ABCD4: variants seen among roughly 807,000 people sequenced by gnomAD.
ABCD4 encodes lysosomal cobalamin transporter ABCD4.
In ABCD4, 53 loss-of-function variants were observed where a neutral mutation model predicts 86.3. The observed-to-expected ratio is 0.61, with a 90% CI of 0.49 to 0.77. The LOEUF (loss-of-function observed/expected upper bound fraction) is 0.77. Among genes scored for constraint, ABCD4 ranks in the 30% least tolerant of loss-of-function variants. ABCD4 has a pLI of 0.00. For missense variants in ABCD4, 757 were observed against 764.5 expected, an observed-to-expected ratio of 0.99 and a Z score of 0.12; for synonymous variants, 328 against 313.6, an observed-to-expected ratio of 1.05 and a Z score of -0.49.
intron 3 of ABCD4, 158 bp downstream of exon 3, chr14:74,299,390 G>C: frequency 2.2e-6 from 2 of 894,838 alleles, no homozygotes; most frequent in Non-Finnish European, 1.7e-6. Flanking sequence ...CAAGATCAAC[G>C]TGCTTAATAA....
chr14:74,287,990 C>A lies in ABCD4; in HGVS notation c.1560-104G>T, dbSNP rs1019352247. On this transcript the variant is annotated intron_variant, in intron 16 of 18. Transcript: ENST00000356924. The stretch of plus-strand genomic sequence containing the variant: ...AGAGGTTTCTCTGCACAGAGGTGAG[C>A]CCCAGGAGACAGAAGCCCCTTCCCT... The A allele has an allele frequency of 3.1e-5, 37 of 1,183,140 alleles. 1 individual carries two copies. The Middle Eastern group carries it at 3.8e-3, about 122-fold the overall frequency. 73.3% of individuals were successfully genotyped at this position (1,183,140 alleles called of 1,614,324 possible). A position where few individuals can be genotyped will look rare whatever the true frequency, so the allele number is the denominator to read the frequency against.
chr14:74,296,488 T>C (rs1198681988), intron 4 of ABCD4, 39 bp from the exon 5 acceptor site: 1 of 1,589,884 alleles, frequency 6.3e-7, no homozygotes, highest in East Asian at 2.2e-5. Context: ...CCCAGGGAGA[T>C]GGGCCCAAAG....
In ABCD4 at chr14:74,296,125, T is replaced by G. The variant is rs17099269; in HGVS notation, c.543-146A>C. On this transcript the variant is annotated intron_variant, in intron 5 of 18. Transcript: ENST00000356924. Reference sequence around the variant, plus strand: ...GGCCCTCTGCTCCTATGTGGGGGCATCTGGTATGAGCTCTCAGAGCCAGGA... The same window carrying G: ...GGCCCTCTGCTCCTATGTGGGGGCAGCTGGTATGAGCTCTCAGAGCCAGGA... 2,050 of 1,229,306 alleles carry G rather than the reference T, an allele frequency of 1.7e-3. 21 individuals carry two copies. The African/African-American group carries it at 0.02, about 12-fold the overall frequency. The allele number at this position is 1,229,306 out of a possible 1,614,324, so 76.1% of individuals were successfully genotyped here.
chr14:74,295,319 C>A, intron 6 of ABCD4, 121 bp from the exon 7 acceptor site: 1 of 1,164,570 alleles, frequency 8.6e-7, no homozygotes, highest in Non-Finnish European at 1.2e-6. Flanking sequence ...ACCGTGGCTG[C>A]CTCAGTCTGA....
chr14:74,297,044 G>A (rs190573371), intron 4 of ABCD4: 1 of 152,664 alleles, frequency 6.6e-6, no homozygotes, highest in Non-Finnish European at 1.5e-5. Context: ...GTGCTTGCTA[G>A]GAAGGTGGTG....
intron 13 of ABCD4, 187 bp downstream of exon 13, chr14:74,289,840 G>A (rs1349624590): frequency 6.2e-6 from 9 of 1,447,530 alleles, no homozygotes; most frequent in Non-Finnish European, 8.1e-6. Flanking sequence ...GCTGCTATGA[G>A]TAGTGGGCCC....
rs1714253256 is a variant in ABCD4 at position 74,288,572 on chromosome 14, C to T, written c.1506+144G>A. The stretch of plus-strand genomic sequence containing the variant: ...TCGTGCCTAAACCTGGCCAACAGCA[C>T]ACACTGTCAACTGATACTCCCATTC... On this transcript the variant is annotated intron_variant, in intron 15 of 18. Transcript: ENST00000356924. 63 of 941,474 alleles carry T rather than the reference C, an allele frequency of 6.7e-5. 2 individuals are homozygous for T. In the South Asian group the frequency reaches 9.2e-4, roughly 14 times the overall value. 58.3% of individuals were successfully genotyped at this position (941,474 alleles called of 1,614,324 possible).
Position 74,287,929 on chromosome 14 carries a change from A to G in ABCD4, c.1560-43T>C, listed in dbSNP as rs779593744. The G allele has an allele frequency of 6.4e-6, 10 of 1,555,298 alleles. No homozygotes were observed. The Middle Eastern group carries it at 6.7e-4, about 104-fold the overall frequency. On this transcript the variant is annotated intron_variant, in intron 16 of 18. Transcript: ENST00000356924. ...AGAGGACTGCTAGAGGAGGAAGAAT[A>G]TAGCTTGGCTTTTACCTAGAATGGT...
In ABCD4 at chr14:74,290,165, C is replaced by A. The variant is rs370799934; in HGVS notation, c.1328-47G>T. ...CCATTGTGAGATCTCCCAGAAGAGG[C>A]AACTGCCTGTCTCCTCTCTTCCTTG... On this transcript the variant is annotated intron_variant, in intron 12 of 18. Transcript: ENST00000356924. The A allele has an allele frequency of 2.5e-5, 40 of 1,611,686 alleles. No homozygotes were observed. In the Admixed American group the frequency reaches 5.0e-4, roughly 20 times the overall value.
rs1335903084 is a variant in ABCD4, at chr14:74,286,835, G to A, written c.1637-19C>T. On this transcript the variant is annotated intron_variant, in intron 17 of 18. Coordinates refer to ENST00000356924, the MANE Select transcript of ABCD4 (RefSeq NM_005050.4). ...TCAAGCACTGAGGGGGCAGAGCACA[G>A]AGGAAGAGATCAAAGCCCTGCCCTC... 6.2e-7 allele frequency: 1 copy of A among 1,610,544 alleles called. No homozygotes were observed. Among genetic ancestry groups the A allele is most frequent in the South Asian group, 1.1e-5 (1 of 90,934 alleles).
chr14:74,293,207 T>C lies in ABCD4; in HGVS notation c.761A>G (p.Gln254Arg), dbSNP rs779676647. ...CTCCCTCTGGGTCTGAAGGAGTCTC[T>C]GCAGCCTGCGGTCTGTCCTCATGTG... Reference protein sequence around the residue: ...VEHMRTDRRLQRLLQTQRELM... With the variant: ...VEHMRTDRRLRRLLQTQRELM... The change falls in exon 8 of 19, where the codon CAG becomes CGG. Residue 254 changes from glutamine (Q) to arginine (R), a missense_variant. Gln to Arg is a conservative substitution (Grantham distance 43). Coordinates refer to ENST00000356924, the MANE Select transcript of ABCD4 (RefSeq NM_005050.4). The C allele has an allele frequency of 3.6e-5, 58 of 1,614,076 alleles. No individual in the cohort carries two copies. The highest frequency in any genetic ancestry group is 1.6e-4 in the Middle Eastern group (1 of 6,084).
chr14:74,286,778 C>T lies in ABCD4; in HGVS notation c.1675G>A (p.Glu559Lys). 1 of 1,614,122 alleles carries T rather than the reference C, an allele frequency of 6.2e-7. No individual in the cohort carries two copies. The highest frequency in any genetic ancestry group is 8.5e-7 in the Non-Finnish European group (1 of 1,180,040). ...EATSALTEEV[E>K]SELYRIGQQL... ...TGGCCGATGCGATAGAGCTCGCTCT[C>T]CACTTCCTCTGTCAGGGCACTGGTG... is the stretch of plus-strand genomic sequence containing the variant. Residue 559 changes from glutamate (E) to lysine (K), a missense_variant, in exon 18 of 19, where the codon GAG becomes AAG. Glu to Lys is a moderately conservative substitution (Grantham distance 56). Coordinates refer to ENST00000356924, the MANE Select transcript of ABCD4 (RefSeq NM_005050.4).
chr14:74,290,506 CAGAGA>C lies in ABCD4; in HGVS notation c.1119-12_1119-8del. ...CGCTGGCCACCCTGGGGGTCTGTGT[CAGAGA>C]AGAGAGGGGGCGTGAGGAAGATGGG... On this transcript the variant is annotated splice_region_variant and splice_polypyrimidine_tract_variant and intron_variant, in intron 11 of 18. Transcript: ENST00000356924. 1 of 1,611,136 alleles carries C rather than the reference CAGAGA, an allele frequency of 6.2e-7. No homozygotes were observed.
rs1426355661 is a variant in ABCD4 at position 74,301,677 on chromosome 14, C to T, written c.38+1198G>A. Among the ~76,000 whole-genome samples the T allele has an allele frequency of 3.4e-5, 5 of 146,266 alleles. 1 individual carries two copies. The South Asian group carries it at 1.1e-3, about 32-fold the overall frequency. ...ATCCCTGCACTTCGGGAGGCCGAGG[C>T]GGGTGGATCACCTGAGGTCAGGAGT... On this transcript the variant is annotated intron_variant, in intron 1 of 18. Coordinates refer to ENST00000356924, the MANE Select transcript of ABCD4 (RefSeq NM_005050.4).
intron 11 of ABCD4, among the ~76,000 whole-genome samples, chr14:74,291,934 T>G (rs1326059078): frequency 6.6e-6 from 1 of 152,010 alleles, no homozygotes; most frequent in African/African-American, 2.4e-5. Context: ...CAGACATCTC[T>G]GGGGCTGAGT....
chr14:74,287,566 A>AAAAAAAAAAAAAAAG (rs1555392703), intron 17 of ABCD4, among the ~76,000 whole-genome samples: 1 of 148,224 alleles, frequency 6.7e-6, no homozygotes, highest in African/African-American at 2.6e-5. Context: ...AAAAAAAAAA[A>AAAAAAAAAAAAAAAG]AAAAGAAAAG....
Position 74,285,900 on chromosome 14 carries a change from G to C in ABCD4, c.*561C>G, listed in dbSNP as rs186250991. 3 of 152,664 alleles carry C rather than the reference G, an allele frequency of 2.0e-5. No individual in the cohort carries two copies. The highest frequency in any genetic ancestry group is 2.9e-5 in the Non-Finnish European group (2 of 68,342). The allele number at this position is 152,664 out of a possible 1,614,324, so 9.5% of individuals were successfully genotyped here. A position where few individuals can be genotyped will look rare whatever the true frequency, so the allele number is the denominator to read the frequency against. Reference sequence around the variant, plus strand: ...CTGGGCATAAGATTCCAGAACAGCAGAGTGTGCTTCCCTTCCCACCAAGCT... The same window carrying C: ...CTGGGCATAAGATTCCAGAACAGCACAGTGTGCTTCCCTTCCCACCAAGCT... On this transcript the variant is annotated 3_prime_UTR_variant, in exon 19 of 19. Transcript: ENST00000356924.
intron 1 of ABCD4, among the ~76,000 whole-genome samples, chr14:74,301,104 T>C (rs1269033693): frequency 6.6e-6 from 1 of 151,020 alleles, no homozygotes; most frequent in African/African-American, 2.4e-5. Context: ...TCCACCTGCC[T>C]CGGCCTCCCA....
rs747261558 is a variant in ABCD4, at chr14:74,295,182, T to A, written c.685A>T (p.Ile229Phe). 21 of 1,614,178 alleles carry A rather than the reference T, an allele frequency of 1.3e-5. No homozygotes were observed. In the South Asian group the frequency reaches 2.3e-4, roughly 18 times the overall value. Residue 229 changes from isoleucine (I) to phenylalanine (F), a missense_variant, in exon 7 of 19, where the codon ATT becomes TTT. By Grantham distance (21) the Ile-to-Phe change is conservative. Transcript: ENST00000356924. ...EGDFRFKHMQ[I>F]RVNAEPAAFY... ...GCAGCAGGCTCCGCATTCACCCGAA[T>A]CTGCATGTGCTTGAACCTGGGCGGA... is the stretch of plus-strand genomic sequence containing the variant.
Sources: allele counts gnomAD v4.1 joint callset (sites outside exome capture counted in the v4.1 genomes callset), GRCh38; gene constraint gnomAD v4.1.1; transcripts MANE v1.5; gene names NCBI Gene and HGNC (gene_info 2026-07-23, HGNC 2026-07-21).